Variants in PRSS12 observed in about 807,000 individuals in gnomAD.
PRSS12 encodes the protein serine protease 12, also known as neurotrypsin.
In PRSS12, 85 loss-of-function variants were observed where a neutral mutation model predicts 104.4. That is an observed-to-expected ratio of 0.81 (90% CI 0.68 to 0.98). The LOEUF is 0.98. Ranked by LOEUF, PRSS12 falls within the 50% of genes least tolerant of loss-of-function variation. The probability of loss-of-function intolerance (pLI) is 0.00; values close to 1 mark genes in which losing one functional copy is unlikely to be tolerated. For synonymous variants in PRSS12, 454 were observed against 425.2 expected (o/e 1.07, Z -0.83); for missense variants, 1,141 against 1,139.2 (o/e 1.00, Z -0.02).
chr4:118,340,079 T>C (rs759368055), intron 1 of PRSS12, among the ~76,000 whole-genome samples: 13 of 152,192 alleles, frequency 8.5e-5, no homozygotes, highest in Non-Finnish European at 1.8e-4. Context: ...CAAGAAGAAA[T>C]GATGTACACA....
chr4:118,307,207 T>C (rs1743579705), intron 8 of PRSS12, among the ~76,000 whole-genome samples: 1 of 152,158 alleles, frequency 6.6e-6, no homozygotes, highest in South Asian at 2.1e-4. Flanking sequence ...ATTGAAAATT[T>C]ATATCACAAA....
intron 9 of PRSS12, among the ~76,000 whole-genome samples, chr4:118,298,216 T>TGTATC (rs1465230665): frequency 2.0e-5 from 3 of 152,202 alleles, no homozygotes; most frequent in African/African-American, 7.2e-5. Flanking sequence ...GAAACATTAC[T>TGTATC]GTATCATACG....
chr4:118,281,688 G>T lies in PRSS12; in HGVS notation c.*248C>A. ...GAGAAATAGGTAGGGGATAGATGAG[G>T]CTTAGAATAAGTCACTCCAGTGAAA... On this transcript the variant is annotated 3_prime_UTR_variant, in exon 13 of 13. Coordinates refer to ENST00000296498, the MANE Select transcript of PRSS12 (RefSeq NM_003619.4). 1 of 547,638 alleles carries T rather than the reference G, an allele frequency of 1.8e-6. No individual in the cohort carries two copies. The highest frequency in any genetic ancestry group is 2.1e-5 in the South Asian group (1 of 48,314). The allele number at this position is 547,638 out of a possible 1,614,324, so 33.9% of individuals were successfully genotyped here.
In PRSS12 at chr4:118,331,776, A is replaced by G. The variant is rs1188111740; in HGVS notation, c.911T>C (p.Val304Ala). ...ELYHAGQWGT[V>A]CDDQWDDADA... ...GGCATCATCCCATTGGTCATCACAA[A>G]CGGTTCCCCACTGGCCAGCATGGTA... The change falls in exon 4 of 13, where the codon GTT becomes GCT. Residue 304 changes from valine (V) to alanine (A), a missense_variant. Coordinates refer to ENST00000296498, the MANE Select transcript of PRSS12 (RefSeq NM_003619.4). 1.7e-5 allele frequency: 27 copies of G among 1,614,012 alleles called. No individual in the cohort carries two copies. The highest frequency in any genetic ancestry group is 2.1e-5 in the Non-Finnish European group (25 of 1,180,028).
intron 1 of PRSS12, among the ~76,000 whole-genome samples, chr4:118,343,301 G>A (rs1255010896): frequency 3.3e-5 from 5 of 151,882 alleles, no homozygotes; most frequent in African/African-American, 1.2e-4. Flanking sequence ...CTACTAAGGC[G>A]GAAGGATTGC....
chr4:118,348,915 G>A (rs1023211685), intron 1 of PRSS12, among the ~76,000 whole-genome samples: 1 of 152,118 alleles, frequency 6.6e-6, no homozygotes, highest in Admixed American at 6.5e-5. Context: ...GCCTCCCAAA[G>A]TGCTAGGATT....
At chr4:118,324,931 G>A (rs1049957882) in intron 4 of PRSS12, among the ~76,000 whole-genome samples, 11 of 151,896 alleles carry the variant, frequency 7.2e-5, no homozygotes, top group East Asian at 1.9e-4. Context: ...GGCTGGTCTC[G>A]AACTCCTGAC....
At position 118,282,847 on chromosome 4, in the gene PRSS12, T is replaced by A. The variant is rs1391817916; in HGVS notation, c.2304A>T (p.Thr768=). Residue 768 remains threonine, a synonymous_variant, in exon 12 of 13, where the codon ACA becomes ACT. Transcript: ENST00000296498. ...PQKTASNCYI[T]GWGDTGRAYS... is the part of the protein sequence containing the mutation. ...ATGCCTTACCTGTGTCACCCCATCC[T>A]GTTATGTAACAGTTGGATGCTGTTT... is the stretch of plus-strand genomic sequence containing the variant. 2.5e-6 allele frequency: 4 copies of A among 1,614,076 alleles called. No individual in the cohort carries two copies. The Admixed American group carries it at 5.0e-5, about 20-fold the overall frequency.
chr4:118,346,887 T>G (rs994818976), intron 1 of PRSS12, among the ~76,000 whole-genome samples: 1 of 152,136 alleles, frequency 6.6e-6, no homozygotes, highest in African/African-American at 2.4e-5. Context: ...AAAAACTGCC[T>G]TCCACAGAAC....
intron 7 of PRSS12, among the ~76,000 whole-genome samples, chr4:118,312,283 A>T (rs866718740): frequency 5.9e-5 from 9 of 152,108 alleles, no homozygotes; most frequent in African/African-American, 2.2e-4. Flanking sequence ...CAAACAGGAG[A>T]ATACAAAGGA....
chr4:118,285,833 C>T (rs1476899354), intron 11 of PRSS12, among the ~76,000 whole-genome samples: 1 of 151,246 alleles, frequency 6.6e-6, no homozygotes, highest in East Asian at 1.9e-4. Context: ...TTTTTTGAGA[C>T]AAGATTTCAC....
chr4:118,297,874 ACGCCT>A (rs1302008955), intron 9 of PRSS12, among the ~76,000 whole-genome samples: 1 of 152,148 alleles, frequency 6.6e-6, no homozygotes, highest in Non-Finnish European at 1.5e-5. Flanking sequence ...GTGGTGGCTC[ACGCCT>A]GTAGTCCCAG....
intron 8 of PRSS12, among the ~76,000 whole-genome samples, chr4:118,300,110 G>A (rs777659637): frequency 1.5e-4 from 23 of 151,798 alleles, no homozygotes; most frequent in East Asian, 3.9e-4. Context: ...TCTTGGGCTC[G>A]GGAGACCCTC....
intron 9 of PRSS12, among the ~76,000 whole-genome samples, chr4:118,298,143 A>C (rs1743298321): frequency 1.3e-5 from 2 of 150,780 alleles, no homozygotes; most frequent in South Asian, 2.1e-4. Flanking sequence ...GTCTCAACAA[A>C]AAAAAAAAAA....
Position 118,342,557 on chromosome 4 carries a change from A to G in PRSS12, c.503-4243T>C, listed in dbSNP as rs79007426. 2.2e-4 allele frequency among the ~76,000 whole-genome samples: 34 copies of G among 152,332 alleles called. 2 individuals carry two copies. In the East Asian group the frequency reaches 6.6e-3, roughly 29 times the overall value. The stretch of plus-strand genomic sequence containing the variant: ...TTAAGAATAATAATTTAAAGTCTCA[A>G]GCAGAGGTTTTAGGTCAATTATATT... On this transcript the variant is annotated intron_variant, in intron 1 of 12. Transcript: ENST00000296498.
At chr4:118,347,637 C>T (rs1296171102) in intron 1 of PRSS12, among the ~76,000 whole-genome samples, 1 of 152,138 alleles carries the variant, frequency 6.6e-6, no homozygotes, top group Non-Finnish European at 1.5e-5. Flanking sequence ...AAGTGACTGC[C>T]CCTCCTAGGC....
chr4:118,330,971 T>C (rs1464531355), intron 4 of PRSS12, among the ~76,000 whole-genome samples: 1 of 152,178 alleles, frequency 6.6e-6, no homozygotes, highest in Non-Finnish European at 1.5e-5. Context: ...CTCCCATCAT[T>C]GGCCCCCTCA....
chr4:118,321,027 C>T (rs1303941357), intron 4 of PRSS12, among the ~76,000 whole-genome samples: 1 of 152,140 alleles, frequency 6.6e-6, no homozygotes, highest in Non-Finnish European at 1.5e-5. Flanking sequence ...GGACTCTGAG[C>T]AATCTGCCCC....
At chr4:118,332,000 T>C (rs966808841) in intron 3 of PRSS12, 134 bp from the exon 4 acceptor site, 114 of 1,043,658 alleles carry the variant, frequency 1.1e-4, no homozygotes, top group Non-Finnish European at 1.5e-4. Context: ...GATATGGACA[T>C]ACGTATATAT....
Sources: gnomAD v4.1 joint callset for allele counts (sites outside exome capture counted in the v4.1 genomes callset) on GRCh38, gnomAD v4.1.1 for gene constraint, MANE v1.5 for transcripts, NCBI Gene and HGNC (gene_info 2026-07-23, HGNC 2026-07-21) for gene names.